Variants in PPP4R3A observed in about 807,000 individuals in gnomAD.
PPP4R3A encodes the protein serine/threonine-protein phosphatase 4 regulatory subunit 3A.
PPP4R3A carries 15 observed loss-of-function variants against 91.7 expected under a neutral mutation model. The ratio of observed to expected loss-of-function variants is 0.16; its 90% confidence interval spans 0.11 to 0.25. The LOEUF (loss-of-function observed/expected upper bound fraction) is 0.25. Ranked by LOEUF, PPP4R3A falls within the 10% of genes least tolerant of loss-of-function variation. The pLI, the probability that PPP4R3A is intolerant of heterozygous loss-of-function variation, is 1.00. For missense variants in PPP4R3A, 623 were observed against 998.4 expected, an observed-to-expected ratio of 0.62 and a Z score of 5.07; for synonymous variants, 377 against 348.7, an observed-to-expected ratio of 1.08 and a Z score of -0.91.
chr14:91,470,826 C>T lies in PPP4R3A; in HGVS notation c.1660+11G>A. ...CAATATACAAAGATGATAAATAATT[C>T]TAACACTTACATAATGCCAAGAAAG... On this transcript the variant is annotated intron_variant, in intron 10 of 14. Transcript: ENST00000554943. 3 of 1,600,182 alleles carry T rather than the reference C, an allele frequency of 1.9e-6. No homozygotes were observed. Among genetic ancestry groups the T allele is most frequent in the Non-Finnish European group, 2.5e-6 (3 of 1,177,002 alleles).
In PPP4R3A at chr14:91,458,828, T is replaced by TTCA. The variant is rs769511884; in HGVS notation, c.2430_2432dup (p.Asp810dup). ...CCTTATCTTCATCCTCATCATCATC[T>TTCA]TCATCATCATCAGGATAATCTACCA... On this transcript the variant is annotated inframe_insertion, in exon 15 of 15. Transcript: ENST00000554943. 2.2e-5 allele frequency: 35 copies of TTCA among 1,613,176 alleles called. No homozygotes were observed. The highest frequency in any genetic ancestry group is 1.1e-5 in the South Asian group (1 of 91,072).
intron 10 of PPP4R3A, among the ~76,000 whole-genome samples, 199 bp from the exon 11 acceptor site, chr14:91,465,618 G>A (rs1179019438): frequency 6.6e-6 from 1 of 152,116 alleles, no homozygotes. Flanking sequence ...TCTAAAAGTA[G>A]TATATGTCAT....
At chr14:91,509,433 C>A (rs1891633900) in intron 1 of PPP4R3A, 73 bp downstream of exon 1, 1 of 1,527,776 alleles carries the variant, frequency 6.5e-7, no homozygotes, top group South Asian at 1.2e-5. Flanking sequence ...GAGCGCCATG[C>A]CCCGCAAGAA....
intron 1 of PPP4R3A, among the ~76,000 whole-genome samples, chr14:91,504,254 G>T (rs1434882423): frequency 6.7e-6 from 1 of 149,738 alleles, no homozygotes; most frequent in African/African-American, 2.5e-5. Flanking sequence ...ACTGAGCCCA[G>T]AAGTTTGAGG....
intron 1 of PPP4R3A, among the ~76,000 whole-genome samples, chr14:91,507,199 T>C (rs8017981): frequency 0.38 from 56,621 of 150,756 alleles, 10,869 homozygotes; most frequent in East Asian, 0.47. Context: ...CACATGCCCA[T>C]AGTCCCAGCT....
At chr14:91,508,415 G>A (rs747099227) in intron 1 of PPP4R3A, among the ~76,000 whole-genome samples, 9 of 152,108 alleles carry the variant, frequency 5.9e-5, no homozygotes, top group Non-Finnish European at 1.0e-4. Flanking sequence ...AAATTAGTTT[G>A]CAATAATTCA....
rs571953406 is a variant in PPP4R3A, at chr14:91,492,927, C to A, written c.143-2125G>T. ...AGCTGTGCTAGTGATACATTCATAACAAGAAAAAGCAGCAGGTGGCCAGGT... is the reference window on the plus strand; with the variant it reads ...AGCTGTGCTAGTGATACATTCATAAAAAGAAAAAGCAGCAGGTGGCCAGGT... On this transcript the variant is annotated intron_variant, in intron 1 of 14. Transcript: ENST00000554943. Among the ~76,000 whole-genome samples the A allele has an allele frequency of 9.9e-5, 15 of 152,226 alleles. No individual in the cohort carries two copies. The East Asian group carries it at 2.9e-3, about 29-fold the overall frequency.
chr14:91,462,594 C>G (rs772982626), intron 12 of PPP4R3A, 141 bp downstream of exon 12: 69 of 913,768 alleles, frequency 7.6e-5, no homozygotes, highest in Non-Finnish European at 1.1e-4. Flanking sequence ...TTATGTTGAC[C>G]CTTACAGGAA....
At chr14:91,485,351 T>C (rs1490070339) in intron 3 of PPP4R3A, among the ~76,000 whole-genome samples, 1 of 152,310 alleles carries the variant, frequency 6.6e-6, no homozygotes, top group East Asian at 1.9e-4. Flanking sequence ...TGTGAGAAGA[T>C]TATGTTTGGT....
intron 1 of PPP4R3A, among the ~76,000 whole-genome samples, chr14:91,506,848 C>A (rs1891322056): frequency 6.6e-6 from 1 of 152,294 alleles, no homozygotes; most frequent in African/African-American, 2.4e-5. Flanking sequence ...CCGCACCCAG[C>A]CTAAGTCCAT....
chr14:91,475,590 C>A, intron 7 of PPP4R3A: 1 of 390,866 alleles, frequency 2.6e-6, no homozygotes. Flanking sequence ...CAAAAAAAAA[C>A]TGACATGAAT....
At chr14:91,477,641 C>G (rs916193261) in intron 4 of PPP4R3A, among the ~76,000 whole-genome samples, 9 of 152,118 alleles carry the variant, frequency 5.9e-5, no homozygotes, top group African/African-American at 1.7e-4. Flanking sequence ...TCATCAAGAT[C>G]TTGGCTTTTG....
At chr14:91,500,258 T>G (rs1243587042) in intron 1 of PPP4R3A, among the ~76,000 whole-genome samples, 3 of 152,112 alleles carry the variant, frequency 2.0e-5, no homozygotes, top group African/African-American at 4.8e-5. Context: ...TGGAGTGCGG[T>G]GGCACGATCT....
At chr14:91,493,958 T>C (rs1489443895) in intron 1 of PPP4R3A, among the ~76,000 whole-genome samples, 2 of 148,996 alleles carry the variant, frequency 1.3e-5, no homozygotes, top group East Asian at 2.0e-4. Context: ...GAGACAGGGT[T>C]TCTCCATGTT....
chr14:91,484,132 A>G (rs1889736418), intron 3 of PPP4R3A, among the ~76,000 whole-genome samples: 2 of 152,252 alleles, frequency 1.3e-5, no homozygotes, highest in Non-Finnish European at 2.9e-5. Flanking sequence ...TGTTGGATGG[A>G]AAGCAAAGAA....
chr14:91,471,455 T>C (rs1329407498), intron 9 of PPP4R3A, among the ~76,000 whole-genome samples: 1 of 152,226 alleles, frequency 6.6e-6, no homozygotes, highest in Non-Finnish European at 1.5e-5. Context: ...CCTTTACTAC[T>C]TGTAACGAGT....
At chr14:91,483,210 T>C (rs2140117318) in intron 3 of PPP4R3A, among the ~76,000 whole-genome samples, 1 of 152,218 alleles carries the variant, frequency 6.6e-6, no homozygotes, top group African/African-American at 2.4e-5. Flanking sequence ...CTAAAGCAAG[T>C]AGAAGGCCAA....
intron 14 of PPP4R3A, 24 bp from the exon 15 acceptor site, chr14:91,458,893 A>C (rs561613253): frequency 6.4e-7 from 1 of 1,561,808 alleles, no homozygotes; most frequent in Admixed American, 2.0e-5. Context: ...AGGATTATTT[A>C]AAGAACAGAA....
At chr14:91,491,697 G>A (rs1009316759) in intron 1 of PPP4R3A, among the ~76,000 whole-genome samples, 2 of 149,304 alleles carry the variant, frequency 1.3e-5, no homozygotes, top group African/African-American at 5.0e-5. Flanking sequence ...GAGCCACCAC[G>A]CCTGGCCTAG....
Sources: gnomAD v4.1 joint callset for allele counts (sites outside exome capture counted in the v4.1 genomes callset) on GRCh38, gnomAD v4.1.1 for gene constraint, MANE v1.5 for transcripts, NCBI Gene and HGNC (gene_info 2026-07-23, HGNC 2026-07-21) for gene names.